ATG5: variants seen among roughly 807,000 people sequenced by gnomAD.
The protein encoded by ATG5 is autophagy protein 5.
In ATG5, 14 loss-of-function variants were observed where a neutral mutation model predicts 36.5. The ratio of observed to expected loss-of-function variants is 0.38; its 90% CI spans 0.25 to 0.60. ATG5 has a LOEUF of 0.60. ATG5 is among the 20% of genes least tolerant of loss of function. ATG5 has a pLI of 0.60. For missense variants in ATG5, 195 were observed against 326.7 expected, an observed-to-expected ratio of 0.60 and a Z score of 3.11; for synonymous variants, 95 against 101.5, an observed-to-expected ratio of 0.94 and a Z score of 0.38.
intron 7 of ATG5, among the ~76,000 whole-genome samples, chr6:106,200,446 A>AT (rs1204681800): frequency 6.6e-6 from 1 of 151,846 alleles, no homozygotes; most frequent in Non-Finnish European, 1.5e-5. Flanking sequence ...TTTAAAAAAA[A>AT]TTTCTATTAT....
chr6:106,188,817 T>C (rs1163675260), intron 7 of ATG5, among the ~76,000 whole-genome samples: 1 of 152,244 alleles, frequency 6.6e-6, no homozygotes, highest in African/African-American at 2.4e-5. Flanking sequence ...TCTAAGACTG[T>C]CATATCCCTC....
chr6:106,319,574 C>T (rs1241878143), intron 1 of ATG5, among the ~76,000 whole-genome samples: 2 of 152,178 alleles, frequency 1.3e-5, no homozygotes, highest in Non-Finnish European at 2.9e-5. Flanking sequence ...GCCTTCTTTA[C>T]CTTATCTTTC....
intron 5 of ATG5, among the ~76,000 whole-genome samples, chr6:106,269,492 C>T (rs1415895902): frequency 6.6e-6 from 1 of 152,226 alleles, no homozygotes; most frequent in Non-Finnish European, 1.5e-5. Context: ...CGCACAGGAG[C>T]CCATGGAAGG....
intron 7 of ATG5, among the ~76,000 whole-genome samples, chr6:106,201,143 T>C (rs1193695466): frequency 6.6e-6 from 1 of 152,232 alleles, no homozygotes; most frequent in East Asian, 1.9e-4. Flanking sequence ...TTATCTTCAG[T>C]ACAGACACAA....
chr6:106,310,135 C>T (rs1770595561), intron 2 of ATG5, among the ~76,000 whole-genome samples: 1 of 152,146 alleles, frequency 6.6e-6, no homozygotes, highest in African/African-American at 2.4e-5. Flanking sequence ...TTGTTCAATG[C>T]TACATTTCCA....
chr6:106,213,088 C>T (rs1306527893), intron 6 of ATG5, among the ~76,000 whole-genome samples: 1 of 152,168 alleles, frequency 6.6e-6, no homozygotes, highest in Admixed American at 6.5e-5. Context: ...ATAGAATTAT[C>T]TTAATAGTAG....
chr6:106,250,278 C>A (rs1778520919), intron 5 of ATG5, among the ~76,000 whole-genome samples: 1 of 151,502 alleles, frequency 6.6e-6, no homozygotes, highest in Admixed American at 6.6e-5. Flanking sequence ...TCTTCTTACA[C>A]CCCTGTCCTA....
intron 3 of ATG5, among the ~76,000 whole-genome samples, chr6:106,300,284 G>GA (rs1770151540): frequency 6.6e-6 from 1 of 151,986 alleles, no homozygotes; most frequent in Admixed American, 6.5e-5. Flanking sequence ...TGCATAAATG[G>GA]GTTAAGTTCC....
intron 5 of ATG5, among the ~76,000 whole-genome samples, chr6:106,251,733 A>AAG (rs1441239803): frequency 6.7e-6 from 1 of 148,544 alleles, no homozygotes; most frequent in African/African-American, 2.5e-5. Context: ...GAGAAAGAGA[A>AAG]AGAAAGAAAG....
rs191922942 is a variant in ATG5, at chr6:106,309,633, G to A, written c.109-1142C>T. ...AAAAGCAGTTTTTCCCCCACAGGAA[G>A]TATTATCGCCCCTGTTTTAAATAAC... On this transcript the variant is annotated intron_variant, in intron 2 of 7. Transcript: ENST00000369076. 8.2e-3 allele frequency among the ~76,000 whole-genome samples: 1,252 copies of A among 152,248 alleles called. 11 individuals carry two copies. Among genetic ancestry groups the A allele is most frequent in the African/African-American group, 0.028 (1,161 of 41,568 alleles).
intron 2 of ATG5, among the ~76,000 whole-genome samples, chr6:106,315,098 AC>A (rs1245078565): frequency 6.6e-6 from 1 of 152,168 alleles, no homozygotes; most frequent in East Asian, 1.9e-4. Context: ...ACAGTCCTAT[AC>A]CCAAAAAGTG....
At chr6:106,188,576 T>C (rs1471085312) in intron 7 of ATG5, among the ~76,000 whole-genome samples, 7 of 152,158 alleles carry the variant, frequency 4.6e-5, no homozygotes, top group Non-Finnish European at 1.0e-4. Flanking sequence ...GCACAGTGTA[T>C]CTGAAAGGCA....
intron 6 of ATG5, among the ~76,000 whole-genome samples, chr6:106,212,027 A>G (rs1223799765): frequency 1.3e-5 from 2 of 152,236 alleles, no homozygotes; most frequent in Non-Finnish European, 2.9e-5. Flanking sequence ...TTAAAAAATC[A>G]GCTATACTAA....
chr6:106,302,360 T>A (rs1770250380), intron 3 of ATG5, among the ~76,000 whole-genome samples: 1 of 152,126 alleles, frequency 6.6e-6, no homozygotes, highest in African/African-American at 2.4e-5. Flanking sequence ...ACACACATCA[T>A]GCTTTAGTGT....
intron 3 of ATG5, among the ~76,000 whole-genome samples, chr6:106,303,467 A>G (rs927437855): frequency 6.6e-6 from 1 of 152,142 alleles, no homozygotes; most frequent in African/African-American, 2.4e-5. Flanking sequence ...TGGTTTCACT[A>G]AAGATATCTA....
chr6:106,247,509 G>A (rs375978983), intron 6 of ATG5, among the ~76,000 whole-genome samples: 3 of 152,260 alleles, frequency 2.0e-5, no homozygotes. Context: ...CTTGTGATTT[G>A]CAGTAGTTCT....
intron 5 of ATG5, among the ~76,000 whole-genome samples, chr6:106,249,005 T>TA (rs1308557822): frequency 6.6e-6 from 1 of 152,196 alleles, no homozygotes; most frequent in Non-Finnish European, 1.5e-5. Context: ...AAGATTTTTT[T>TA]AAAAAAGCTT....
intron 6 of ATG5, among the ~76,000 whole-genome samples, chr6:106,245,081 G>C (rs2114504634): frequency 6.6e-6 from 1 of 152,160 alleles, no homozygotes; most frequent in South Asian, 2.1e-4. Context: ...GAAGCACCTG[G>C]ACTTCAGGAA....
chr6:106,219,247 G>A (rs943978947), intron 6 of ATG5, among the ~76,000 whole-genome samples: 16 of 152,194 alleles, frequency 1.1e-4, no homozygotes, highest in African/African-American at 3.1e-4. Flanking sequence ...CTTAACATAC[G>A]TCAATTTTCT....
Sources: gnomAD v4.1 joint callset for allele counts (sites outside exome capture counted in the v4.1 genomes callset) on GRCh38, gnomAD v4.1.1 for gene constraint, MANE v1.5 for transcripts, NCBI Gene and HGNC (gene_info 2026-07-23, HGNC 2026-07-21) for gene names.